Variants in SPTBN1 observed in about 807,000 individuals in gnomAD.
The protein encoded by SPTBN1 is spectrin beta, non-erythrocytic 1, also known as spectrin beta chain, non-erythrocytic 1.
In SPTBN1, 32 loss-of-function variants were observed where a neutral mutation model predicts 266.4. The ratio of observed to expected loss-of-function variants is 0.12; its 90% CI spans 0.09 to 0.16. The LOEUF is 0.16. Ranked by LOEUF, SPTBN1 falls within the 10% of genes least tolerant of loss-of-function variation. The pLI is 1.00. For missense variants in SPTBN1, 2,296 were observed against 3,067.1 expected (o/e 0.75, Z 5.94); for synonymous variants, 1,336 against 1,162.2 (o/e 1.15, Z -3.04).
chr2:54,630,551 A>G (rs547586342), intron 15 of SPTBN1, among the ~76,000 whole-genome samples: 4 of 152,244 alleles, frequency 2.6e-5, no homozygotes, highest in Non-Finnish European at 5.9e-5. Flanking sequence ...AGAGATGTGT[A>G]AAATGTGTCA....
rs754649325 is a variant in SPTBN1 at position 54,631,354 on chromosome 2, C to A, written c.3307C>A (p.Gln1103Lys). 1 of 1,614,244 alleles carries A rather than the reference C, an allele frequency of 6.2e-7. No homozygotes were observed. Among genetic ancestry groups the A allele is most frequent in the East Asian group, 2.2e-5 (1 of 44,888 alleles). ...TLTEAEKLLT[Q>K]HENIKNEIDN... Reference sequence around the variant, plus strand: ...GACCGAGGCTGAGAAGCTGCTCACGCAGCACGAGAACATCAAGAACGAGAT... The same window carrying A: ...GACCGAGGCTGAGAAGCTGCTCACGAAGCACGAGAACATCAAGAACGAGAT... The change falls in exon 16 of 36, where the codon CAG becomes AAG. Residue 1103 changes from glutamine to lysine, a missense_variant. Gln to Lys is a moderately conservative substitution (Grantham distance 53, BLOSUM62 1). Around this residue, in one of 12 missense-constraint regions of SPTBN1, gnomAD observed 386 missense variants for 486.1 expected, o/e 0.79. Transcript: ENST00000356805.
chr2:54,571,754 T>C lies in SPTBN1; in HGVS notation c.149-27338T>C, dbSNP rs533354474. 1.8e-3 allele frequency among the ~76,000 whole-genome samples: 275 copies of C among 152,258 alleles called. 2 individuals carry two copies. The highest frequency in any genetic ancestry group is 6.4e-3 in the African/African-American group (264 of 41,542). On this transcript the variant is annotated intron_variant, in intron 2 of 35. Transcript: ENST00000356805. ...TAGGGATGGCATACAAATAAATGTTTCATGAATAAAGGGATGAATGAGTAG... is the reference window on the plus strand; with the variant it reads ...TAGGGATGGCATACAAATAAATGTTCCATGAATAAAGGGATGAATGAGTAG...
intron 2 of SPTBN1, chr2:54,529,341 A>G (rs747077507): frequency 1.2e-5 from 7 of 581,048 alleles, no homozygotes; most frequent in Non-Finnish European, 2.2e-5. Flanking sequence ...GACCCTTTTC[A>G]GAAGATGGCA....
chr2:54,509,403 T>C (rs1669738328), intron 1 of SPTBN1, among the ~76,000 whole-genome samples: 2 of 151,972 alleles, frequency 1.3e-5, no homozygotes, highest in South Asian at 2.1e-4. Flanking sequence ...AGGAAGAAAA[T>C]AGATTTTGGA....
At chr2:54,461,144 C>G (rs140765353) in intron 1 of SPTBN1, among the ~76,000 whole-genome samples, 3 of 152,288 alleles carry the variant, frequency 2.0e-5, no homozygotes, top group African/African-American at 7.2e-5. Context: ...ATTCCCTTCT[C>G]TATGGTTTAT....
At chr2:54,561,824 GGTTTGTAGAGATTTATA>G (rs1673326408) in intron 2 of SPTBN1, among the ~76,000 whole-genome samples, 1 of 141,928 alleles carries the variant, frequency 7.0e-6, no homozygotes, top group Non-Finnish European at 1.5e-5. Flanking sequence ...AGAGATTTAT[GGTTTGTAGAGATTTATA>G]GTTTGTAGAG....
intron 2 of SPTBN1, among the ~76,000 whole-genome samples, chr2:54,587,143 G>T (rs1172243494): frequency 6.6e-6 from 1 of 152,124 alleles, no homozygotes; most frequent in Non-Finnish European, 1.5e-5. Context: ...TCACAAATTT[G>T]AATTCTCTCT....
At chr2:54,516,870 G>GTAAGATT (rs1670138148) in intron 1 of SPTBN1, among the ~76,000 whole-genome samples, 1 of 152,194 alleles carries the variant, frequency 6.6e-6, no homozygotes, top group Non-Finnish European at 1.5e-5. Flanking sequence ...ATCAGTACAT[G>GTAAGATT]TAAGATTTAC....
chr2:54,520,262 C>G (rs1310018432), intron 1 of SPTBN1: 1 of 152,166 alleles, frequency 6.6e-6, no homozygotes, highest in African/African-American at 2.4e-5. Context: ...TATTTTCCCT[C>G]TGGGCTGTTC....
At chr2:54,544,000 T>G (rs1371982059) in intron 2 of SPTBN1, among the ~76,000 whole-genome samples, 2 of 152,160 alleles carry the variant, frequency 1.3e-5, no homozygotes, top group Non-Finnish European at 2.9e-5. Flanking sequence ...AAGGGGATAA[T>G]AAAGAAGAAA....
At chr2:54,655,330 TA>T in intron 28 of SPTBN1, 122 bp downstream of exon 28, 1 of 1,288,412 alleles carries the variant, frequency 7.8e-7, no homozygotes, top group Non-Finnish European at 1.1e-6. Context: ...ACATATGTTT[TA>T]AAACTCCTTT....
intron 6 of SPTBN1, among the ~76,000 whole-genome samples, 165 bp downstream of exon 6, chr2:54,617,853 A>G (rs1325722064): frequency 6.6e-6 from 1 of 152,240 alleles, no homozygotes; most frequent in Non-Finnish European, 1.5e-5. Context: ...AAATTCTTCC[A>G]AACAGAATAA....
chr2:54,628,929 A>T lies in SPTBN1; in HGVS notation c.1799-4A>T, dbSNP rs1365452724. 6.3e-7 allele frequency: 1 copy of T among 1,578,956 alleles called. No homozygotes were observed. On this transcript the variant is annotated splice_region_variant and splice_polypyrimidine_tract_variant and intron_variant, in intron 13 of 35. Coordinates refer to ENST00000356805, the MANE Select transcript of SPTBN1 (RefSeq NM_003128.3). The surrounding 1 kb of genome is among the most constrained non-coding windows in gnomAD (Gnocchi z 4.3). The stretch of plus-strand genomic sequence containing the variant: ...AGCCACGTTCCTTCCTTGATGTTAA[A>T]CAGGTTACAAGCCCTGTGACCCCCA...
At chr2:54,566,964 A>G (rs925253522) in intron 2 of SPTBN1, among the ~76,000 whole-genome samples, 8 of 152,252 alleles carry the variant, frequency 5.3e-5, no homozygotes, top group Non-Finnish European at 1.0e-4. Flanking sequence ...ACACTAAAAT[A>G]AAACTTTAAA....
intron 7 of SPTBN1, among the ~76,000 whole-genome samples, chr2:54,621,109 G>A (rs910850762): frequency 3.3e-5 from 5 of 152,192 alleles, no homozygotes; most frequent in African/African-American, 1.2e-4. Flanking sequence ...GGTCCTGTAG[G>A]CAGCAATGAG....
rs553966043 is a variant in SPTBN1 at position 54,649,282 on chromosome 2, C to T, written c.5202+92C>T. On this transcript the variant is annotated intron_variant, in intron 25 of 35. Coordinates refer to ENST00000356805, the MANE Select transcript of SPTBN1 (RefSeq NM_003128.3). The surrounding 1 kb of genome is among the most constrained non-coding windows in gnomAD (Gnocchi z 6.7). ...TCCTTGTCTGTGAGCAGATAAAATGCCCTGGACTCCAATCAGAGGTCTTGG... is the reference window on the plus strand; with the variant it reads ...TCCTTGTCTGTGAGCAGATAAAATGTCCTGGACTCCAATCAGAGGTCTTGG... 11 of 1,342,376 alleles carry T rather than the reference C, an allele frequency of 8.2e-6. No individual in the cohort carries two copies. In the South Asian group the frequency reaches 1.0e-4, roughly 13 times the overall value. 83.2% of individuals were successfully genotyped at this position (1,342,376 alleles called of 1,614,324 possible). A position where few individuals can be genotyped will look rare whatever the true frequency, so the allele number is the denominator to read the frequency against.
At chr2:54,610,072 C>T (rs1456508604) in intron 3 of SPTBN1, among the ~76,000 whole-genome samples, 1 of 152,186 alleles carries the variant, frequency 6.6e-6, no homozygotes, top group African/African-American at 2.4e-5. Flanking sequence ...AGGCAAGATA[C>T]ACTTTTCCTT....
At chr2:54,551,503 T>C (rs1168842863) in intron 2 of SPTBN1, among the ~76,000 whole-genome samples, 1 of 152,212 alleles carries the variant, frequency 6.6e-6, no homozygotes, top group Non-Finnish European at 1.5e-5. Flanking sequence ...AAGGTTTGGC[T>C]GGGGTAGAAG....
At chr2:54,634,183 G>A (rs571644294) in intron 17 of SPTBN1, among the ~76,000 whole-genome samples, 4 of 152,328 alleles carry the variant, frequency 2.6e-5, no homozygotes, top group Admixed American at 2.6e-4. Flanking sequence ...TGTTAGGGAT[G>A]TGTGCATTCA....
Sources: allele counts gnomAD v4.1 joint callset (sites outside exome capture counted in the v4.1 genomes callset), GRCh38; gene constraint gnomAD v4.1.1; regional missense constraint gnomAD v4.1.1; non-coding constraint Gnocchi (gnomAD v3.1); transcripts MANE v1.5; gene names NCBI Gene and HGNC (gene_info 2026-07-23, HGNC 2026-07-21).